TSHZ2: variants seen among roughly 807,000 people sequenced by gnomAD.
TSHZ2 encodes the protein teashirt homolog 2.
TSHZ2 carries 21 observed loss-of-function variants against 74.4 expected under a neutral mutation model. The ratio of observed to expected loss-of-function variants is 0.28; its 90% CI spans 0.20 to 0.41. TSHZ2 has a LOEUF of 0.41. TSHZ2 is among the 10% of genes least tolerant of loss of function. The probability of loss-of-function intolerance (pLI) is 1.00; values close to 1 mark genes in which losing one functional copy is unlikely to be tolerated. For missense variants in TSHZ2, 1,244 were observed against 1,293.5 expected (o/e 0.96, Z 0.59); for synonymous variants, 540 against 515.3 (o/e 1.05, Z -0.65).
At chr20:53,433,385 TA>T (rs1342951661) in intron 2 of TSHZ2, among the ~76,000 whole-genome samples, 1 of 151,780 alleles carries the variant, frequency 6.6e-6, no homozygotes, top group Non-Finnish European at 1.5e-5. Context: ...GTTTAAAACA[TA>T]CATTAAATGG....
intron 2 of TSHZ2, among the ~76,000 whole-genome samples, chr20:53,442,893 A>ATTAAACCGT (rs1451092109): frequency 6.6e-6 from 1 of 152,216 alleles, no homozygotes; most frequent in East Asian, 1.9e-4. Flanking sequence ...CGTGATTGTT[A>ATTAAACCGT]TTAAACCGTT....
chr20:53,328,797 C>G (rs1979597896), intron 2 of TSHZ2, among the ~76,000 whole-genome samples: 1 of 151,976 alleles, frequency 6.6e-6, no homozygotes, highest in Non-Finnish European at 1.5e-5. Context: ...TTATTTATTT[C>G]CATTATATAT....
chr20:53,465,110 A>G (rs1271515916), intron 2 of TSHZ2, among the ~76,000 whole-genome samples: 1 of 152,240 alleles, frequency 6.6e-6, no homozygotes, highest in African/African-American at 2.4e-5. Flanking sequence ...ATTTCATTCC[A>G]GCTTCACTGG....
rs1986550184 is a variant in TSHZ2, at chr20:53,495,158, A to G, written c.*8023A>G. On this transcript the variant is annotated 3_prime_UTR_variant, in exon 3 of 3. Transcript: ENST00000371497. ...GAAAATTAAAGGAGAGAAGAAAAAA[A>G]ACACAGATGCACTTAAAACATGAAA... 6.6e-6 allele frequency: 1 copy of G among 152,228 alleles called. No individual in the cohort carries two copies. Among genetic ancestry groups the G allele is most frequent in the Non-Finnish European group, 1.5e-5 (1 of 68,048 alleles). The allele number at this position is 152,228 out of a possible 1,614,324, so 9.4% of individuals were successfully genotyped here. A position where few individuals can be genotyped will look rare whatever the true frequency, so the allele number is the denominator to read the frequency against.
chr20:53,162,329 A>G (rs1246848171), intron 1 of TSHZ2, among the ~76,000 whole-genome samples: 3 of 152,148 alleles, frequency 2.0e-5, no homozygotes, highest in Non-Finnish European at 2.9e-5. Flanking sequence ...GGCTGCCGCA[A>G]TGTTTTGGGT....
At chr20:53,433,206 A>T (rs1444016112) in intron 2 of TSHZ2, among the ~76,000 whole-genome samples, 1 of 152,216 alleles carries the variant, frequency 6.6e-6, no homozygotes, top group Non-Finnish European at 1.5e-5. Flanking sequence ...CACAGAAAAC[A>T]AAACTAGGAT....
At position 53,316,731 on chromosome 20, in the gene TSHZ2, A is replaced by G. The variant is rs539997765; in HGVS notation, c.*8+60160A>G. Among the ~76,000 whole-genome samples, 4 of 152,256 alleles carry G rather than the reference A, an allele frequency of 2.6e-5. No individual in the cohort carries two copies. In the East Asian group the frequency reaches 5.8e-4, roughly 22 times the overall value. ...TTTATGTAGAGATTTTGGGTGAGTCATGCTCTCACTGCAAAGTTAAGTAGT... is the reference window on the plus strand; with the variant it reads ...TTTATGTAGAGATTTTGGGTGAGTCGTGCTCTCACTGCAAAGTTAAGTAGT... On this transcript the variant is annotated intron_variant, in intron 2 of 2. Transcript: ENST00000371497.
At chr20:53,143,041 A>G (rs1018982895) in intron 1 of TSHZ2, among the ~76,000 whole-genome samples, 10 of 152,198 alleles carry the variant, frequency 6.6e-5, no homozygotes, top group Non-Finnish European at 1.3e-4. Flanking sequence ...ACAAGTGTGT[A>G]GGAGCTTTTC....
chr20:53,159,855 C>G (rs911710066), intron 1 of TSHZ2, among the ~76,000 whole-genome samples: 1 of 152,194 alleles, frequency 6.6e-6, no homozygotes, highest in Non-Finnish European at 1.5e-5. Flanking sequence ...ACAGCATGTT[C>G]CATGCTGAGC....
intron 1 of TSHZ2, among the ~76,000 whole-genome samples, chr20:53,210,854 T>C (rs1989286682): frequency 6.6e-6 from 1 of 152,076 alleles, no homozygotes; most frequent in Non-Finnish European, 1.5e-5. Context: ...CAAAATCTCT[T>C]AACAGAGATT....
At chr20:53,446,323 G>T (rs934649427) in intron 2 of TSHZ2, among the ~76,000 whole-genome samples, 9 of 151,718 alleles carry the variant, frequency 5.9e-5, no homozygotes, top group African/African-American at 1.9e-4. Flanking sequence ...CAGCACTTTG[G>T]GAGGCCGAGG....
At chr20:53,050,141 GTA>G (rs1197922223) in intron 1 of TSHZ2, among the ~76,000 whole-genome samples, 1,048 of 76,254 alleles carry the variant, frequency 0.014, 36 homozygotes, top group African/African-American at 0.052. Context: ...ATATATATGT[GTA>G]TATATATATA....
intron 2 of TSHZ2, among the ~76,000 whole-genome samples, chr20:53,403,862 G>A (rs530943307): frequency 1.3e-5 from 2 of 152,278 alleles, no homozygotes; most frequent in African/African-American, 4.8e-5. Context: ...TCTTCCTTCT[G>A]CTGAATGGAT....
At chr20:53,013,515 G>A (rs1449009151) in intron 1 of TSHZ2, among the ~76,000 whole-genome samples, 1 of 152,222 alleles carries the variant, frequency 6.6e-6, no homozygotes, top group African/African-American at 2.4e-5. Flanking sequence ...AATATTTATA[G>A]TGTGTGGTCC....
intron 1 of TSHZ2, among the ~76,000 whole-genome samples, chr20:53,065,904 C>A (rs1223495463): frequency 6.6e-6 from 1 of 152,164 alleles, no homozygotes; most frequent in Non-Finnish European, 1.5e-5. Context: ...TGAGATTGTG[C>A]CTAAGTTCCA....
chr20:53,241,817 G>A (rs979715322), intron 1 of TSHZ2, among the ~76,000 whole-genome samples: 1 of 152,132 alleles, frequency 6.6e-6, no homozygotes. Context: ...TTGTTAGTTT[G>A]CTCAAGATGA....
chr20:53,471,420 C>T lies in TSHZ2; in HGVS notation c.*9-15724C>T, dbSNP rs563326334. On this transcript the variant is annotated intron_variant, in intron 2 of 2. Transcript: ENST00000371497. Reference sequence around the variant, plus strand: ...AACTCTCACCTTCCTGGAGTTTACACAGGCAGGCACTAAACTCAAAATTAT... The same window carrying T: ...AACTCTCACCTTCCTGGAGTTTACATAGGCAGGCACTAAACTCAAAATTAT... 2.8e-4 allele frequency among the ~76,000 whole-genome samples: 42 copies of T among 152,304 alleles called. No homozygotes were observed. The Middle Eastern group carries it at 0.01, about 37-fold the overall frequency.
At chr20:53,290,365 A>G (rs1236979512) in intron 2 of TSHZ2, among the ~76,000 whole-genome samples, 1 of 152,070 alleles carries the variant, frequency 6.6e-6, no homozygotes, top group East Asian at 1.9e-4. Context: ...CTTAGCTTAC[A>G]TCTATCACTA....
chr20:53,030,285 T>C (rs1237192081), intron 1 of TSHZ2, among the ~76,000 whole-genome samples: 1 of 151,726 alleles, frequency 6.6e-6, no homozygotes, highest in Non-Finnish European at 1.5e-5. Flanking sequence ...AAGATGTGTA[T>C]GTGGTAAATT....
Sources: allele counts gnomAD v4.1 joint callset (sites outside exome capture counted in the v4.1 genomes callset), GRCh38; gene constraint gnomAD v4.1.1; transcripts MANE v1.5; gene names NCBI Gene and HGNC (gene_info 2026-07-23, HGNC 2026-07-21).